MYO3B: variants seen among roughly 807,000 people sequenced by gnomAD.
The protein encoded by MYO3B is myosin-IIIb.
In MYO3B, 156 loss-of-function variants were observed where a neutral mutation model predicts 174.6. That is an observed-to-expected ratio of 0.89 (90% CI 0.78 to 1.02). MYO3B has a LOEUF of 1.02. Among genes scored for constraint, MYO3B ranks in the 50% least tolerant of loss-of-function variants. The probability of loss-of-function intolerance (pLI) is 0.00; values close to 1 mark genes in which losing one functional copy is unlikely to be tolerated. For missense variants in MYO3B, 1,632 were observed against 1,639.4 expected, an observed-to-expected ratio of 1.00 and a Z score of 0.08; for synonymous variants, 563 against 569.1, an observed-to-expected ratio of 0.99 and a Z score of 0.15.
chr2:170,487,171 C>T (rs1002285472), intron 25 of MYO3B, among the ~76,000 whole-genome samples: 4 of 152,192 alleles, frequency 2.6e-5, no homozygotes, highest in African/African-American at 4.8e-5. Flanking sequence ...TTAAGCTCCA[C>T]GTTCCCAGCC....
intron 7 of MYO3B, among the ~76,000 whole-genome samples, chr2:170,289,132 G>A (rs73012807): frequency 0.01 from 1,531 of 152,070 alleles, 30 homozygotes; most frequent in African/African-American, 0.035. Context: ...GAGCATTTTT[G>A]TACATATGTT....
At chr2:170,330,988 C>G (rs549335751) in intron 7 of MYO3B, among the ~76,000 whole-genome samples, 1 of 152,084 alleles carries the variant, frequency 6.6e-6, no homozygotes, top group Non-Finnish European at 1.5e-5. Flanking sequence ...AAAAATTTAC[C>G]GAGTATTTCT....
Position 170,463,451 on chromosome 2 carries a change from G to C in MYO3B, c.2808+6G>C, listed in dbSNP as rs1684433228. The C allele has an allele frequency of 1.2e-6, 2 of 1,613,128 alleles. No individual in the cohort carries two copies. Among genetic ancestry groups the C allele is most frequent in the East Asian group, 2.2e-5 (1 of 44,882 alleles). ...CTGTGGCTTCTTACTTCCGGGTATG[G>C]AGTCTTCTTGATCTCTATTCTGCCT... On this transcript the variant is annotated splice_donor_region_variant and intron_variant, in intron 24 of 34. Transcript: ENST00000408978.
chr2:170,596,410 C>G (rs1281271990), intron 32 of MYO3B, among the ~76,000 whole-genome samples: 1 of 152,208 alleles, frequency 6.6e-6, no homozygotes, highest in African/African-American at 2.4e-5. Flanking sequence ...TTTCCAGCCC[C>G]TCTGCTTTCT....
chr2:170,404,201 A>C (rs768014042), intron 19 of MYO3B, 46 bp from the exon 20 acceptor site: 1 of 1,547,996 alleles, frequency 6.5e-7, no homozygotes, highest in Non-Finnish European at 8.7e-7. Flanking sequence ...TGGTGGTCCC[A>C]AGGCTAGTTT....
intron 32 of MYO3B, among the ~76,000 whole-genome samples, chr2:170,549,208 T>C (rs1236421108): frequency 6.6e-6 from 1 of 152,172 alleles, no homozygotes; most frequent in Non-Finnish European, 1.5e-5. Flanking sequence ...TGCCCTTGGG[T>C]TTTCTTTTAT....
At chr2:170,639,238 A>C (rs1270088781) in intron 32 of MYO3B, among the ~76,000 whole-genome samples, 1 of 152,174 alleles carries the variant, frequency 6.6e-6, no homozygotes, top group African/African-American at 2.4e-5. Flanking sequence ...TCTCATTAGA[A>C]GCTCCAGAAG....
chr2:170,361,168 TC>T (rs1034569968), intron 8 of MYO3B, among the ~76,000 whole-genome samples: 1 of 152,202 alleles, frequency 6.6e-6, no homozygotes. Context: ...ACTCATTTAT[TC>T]CCCACAATAA....
chr2:170,439,520 T>A (rs2094783657), intron 22 of MYO3B, among the ~76,000 whole-genome samples: 1 of 152,174 alleles, frequency 6.6e-6, no homozygotes, highest in Admixed American at 6.5e-5. Context: ...TCTCTACAAT[T>A]CGTTGATTGT....
chr2:170,569,524 T>TC (rs899941885), intron 32 of MYO3B, among the ~76,000 whole-genome samples: 1 of 151,660 alleles, frequency 6.6e-6, no homozygotes, highest in African/African-American at 2.4e-5. Flanking sequence ...CTGAGTTTTT[T>TC]TTTTTTTTTT....
intron 30 of MYO3B, among the ~76,000 whole-genome samples, chr2:170,532,245 C>A (rs1174317136): frequency 1.3e-5 from 2 of 152,156 alleles, no homozygotes; most frequent in Non-Finnish European, 2.9e-5. Context: ...AAATGACCGG[C>A]CTGTAGGCTC....
chr2:170,533,275 C>T (rs184694520), intron 30 of MYO3B, among the ~76,000 whole-genome samples: 1 of 152,244 alleles, frequency 6.6e-6, no homozygotes, highest in Non-Finnish European at 1.5e-5. Flanking sequence ...CTCTCACGCC[C>T]CCTCCCTCAC....
intron 7 of MYO3B, among the ~76,000 whole-genome samples, chr2:170,280,337 A>G (rs988876559): frequency 6.6e-6 from 1 of 151,530 alleles, no homozygotes; most frequent in African/African-American, 2.4e-5. Context: ...AAATTTGTTT[A>G]AATTTCTTAT....
chr2:170,594,123 T>G (rs972793909), intron 32 of MYO3B, among the ~76,000 whole-genome samples: 2 of 152,100 alleles, frequency 1.3e-5, no homozygotes, highest in Non-Finnish European at 2.9e-5. Context: ...CCCAAGCTCA[T>G]CTATCCGAAT....
intron 22 of MYO3B, among the ~76,000 whole-genome samples, chr2:170,436,924 C>G (rs1203478303): frequency 6.6e-6 from 1 of 152,130 alleles, no homozygotes; most frequent in African/African-American, 2.4e-5. Flanking sequence ...CCTTTGAGAC[C>G]TTTGTGAACA....
At chr2:170,439,362 A>C (rs770522851) in intron 22 of MYO3B, among the ~76,000 whole-genome samples, 2 of 150,590 alleles carry the variant, frequency 1.3e-5, no homozygotes, top group Non-Finnish European at 3.0e-5. Context: ...ACAAAGAAAG[A>C]CTCCATCTCA....
intron 32 of MYO3B, among the ~76,000 whole-genome samples, chr2:170,567,150 G>C (rs1692121683): frequency 1.3e-5 from 2 of 152,174 alleles, no homozygotes; most frequent in South Asian, 4.1e-4. Flanking sequence ...TCTTTCCAGA[G>C]CCTATTTCCT....
At chr2:170,540,665 C>CAA (rs916508856) in intron 30 of MYO3B, among the ~76,000 whole-genome samples, 2 of 148,574 alleles carry the variant, frequency 1.3e-5, no homozygotes, top group African/African-American at 5.0e-5. Context: ...CAAAAAACAA[C>CAA]AAAAAAAACA....
intron 25 of MYO3B, among the ~76,000 whole-genome samples, chr2:170,467,784 A>G (rs1227118629): frequency 6.7e-6 from 1 of 148,936 alleles, no homozygotes; most frequent in African/African-American, 2.5e-5. Context: ...ACGTCTCCCA[A>G]ACTCTGCTAA....
Sources: gnomAD v4.1 joint callset for allele counts (sites outside exome capture counted in the v4.1 genomes callset) on GRCh38, gnomAD v4.1.1 for gene constraint, MANE v1.5 for transcripts, NCBI Gene and HGNC (gene_info 2026-07-23, HGNC 2026-07-21) for gene names.